Variants in ALG14 observed in about 807,000 individuals in gnomAD.
ALG14 encodes the protein UDP-N-acetylglucosamine transferase subunit ALG14.
Under a neutral mutation model 22.8 loss-of-function variants are expected in ALG14, and 17 were observed. The observed-to-expected ratio is 0.75, with a 90% CI of 0.51 to 1.12. The LOEUF is 1.12. Ranked by LOEUF, ALG14 falls within the 50% of genes most tolerant of loss-of-function variation. ALG14 has a pLI of 0.00. For missense variants in ALG14, 288 were observed against 271.8 expected, an observed-to-expected ratio of 1.06 and a Z score of -0.42; for synonymous variants, 89 against 103.7, an observed-to-expected ratio of 0.86 and a Z score of 0.86.
intron 3 of ALG14, among the ~76,000 whole-genome samples, chr1:95,017,231 A>G (rs758203832): frequency 1.8e-4 from 27 of 152,092 alleles, no homozygotes; most frequent in Non-Finnish European, 3.7e-4. Context: ...ACATCTGAAT[A>G]AAGTCCATCA....
At chr1:95,013,138 A>AG (rs1673413465) in intron 3 of ALG14, among the ~76,000 whole-genome samples, 1 of 150,272 alleles carries the variant, frequency 6.7e-6, no homozygotes, top group Non-Finnish European at 1.5e-5. Context: ...AAGAAACAAT[A>AG]AAAAAAAACC....
At chr1:95,056,582 C>T (rs1002099518) in intron 2 of ALG14, among the ~76,000 whole-genome samples, 5 of 151,990 alleles carry the variant, frequency 3.3e-5, no homozygotes, top group African/African-American at 7.3e-5. Flanking sequence ...AAGATCGAGG[C>T]TGCAGTGAGC....
intron 2 of ALG14, among the ~76,000 whole-genome samples, chr1:95,038,723 T>G (rs1007489277): frequency 6.7e-6 from 1 of 149,192 alleles, no homozygotes; most frequent in Non-Finnish European, 1.5e-5. Context: ...AAGGTTTTTT[T>G]TTTTTTTTTT....
At chr1:94,996,195 A>C (rs1672905974) in intron 3 of ALG14, among the ~76,000 whole-genome samples, 1 of 151,638 alleles carries the variant, frequency 6.6e-6, no homozygotes, top group South Asian at 2.1e-4. Flanking sequence ...ATTCTTTCTA[A>C]ATCAGAATCC....
chr1:94,998,980 T>C (rs1398668211), intron 3 of ALG14, among the ~76,000 whole-genome samples: 2 of 152,176 alleles, frequency 1.3e-5, no homozygotes, highest in South Asian at 2.1e-4. Context: ...AAATTACTCA[T>C]ACATTGTTAG....
At chr1:95,020,185 C>A (rs1350910258) in intron 3 of ALG14, among the ~76,000 whole-genome samples, 1 of 151,864 alleles carries the variant, frequency 6.6e-6, no homozygotes, top group African/African-American at 2.4e-5. Flanking sequence ...TCACTGCACT[C>A]CAGCCTGGGC....
At chr1:95,031,758 T>C (rs1253470409) in intron 2 of ALG14, among the ~76,000 whole-genome samples, 1 of 152,128 alleles carries the variant, frequency 6.6e-6, no homozygotes, top group Non-Finnish European at 1.5e-5. Flanking sequence ...TATATACTTA[T>C]TTATTTATGT....
At chr1:95,066,952 A>G (rs1040205468) in intron 1 of ALG14, 4 of 152,184 alleles carry the variant, frequency 2.6e-5, no homozygotes, top group African/African-American at 9.6e-5. Context: ...TATCCACAAC[A>G]TCTTCCACTA....
intron 2 of ALG14, among the ~76,000 whole-genome samples, chr1:95,045,858 A>G (rs563997273): frequency 1.3e-5 from 2 of 148,798 alleles, no homozygotes; most frequent in Non-Finnish European, 3.0e-5. Context: ...TAATAGAATT[A>G]GTATACTAAT....
At chr1:95,037,894 A>G (rs1674249530) in intron 2 of ALG14, among the ~76,000 whole-genome samples, 1 of 152,212 alleles carries the variant, frequency 6.6e-6, no homozygotes, top group South Asian at 2.1e-4. Context: ...CTGCCAGGTG[A>G]CAGGAACTGG....
intron 2 of ALG14, 112 bp from the exon 3 acceptor site, chr1:95,027,372 A>T: frequency 7.7e-7 from 1 of 1,290,954 alleles, no homozygotes. Flanking sequence ...TTAAATTTTC[A>T]TTCTAACCAC....
At chr1:95,042,951 G>A (rs111405090) in intron 2 of ALG14, among the ~76,000 whole-genome samples, 23 of 151,956 alleles carry the variant, frequency 1.5e-4, no homozygotes, top group African/African-American at 2.4e-4. Context: ...TGTTTTTTAC[G>A]TTTTCCTTAT....
intron 3 of ALG14, among the ~76,000 whole-genome samples, chr1:94,987,385 A>G (rs1170298234): frequency 6.6e-6 from 1 of 152,080 alleles, no homozygotes; most frequent in African/African-American, 2.4e-5. Context: ...ACCAACCAGT[A>G]GGGGTTCAAT....
At chr1:95,053,181 A>G (rs1674810891) in intron 2 of ALG14, among the ~76,000 whole-genome samples, 1 of 152,176 alleles carries the variant, frequency 6.6e-6, no homozygotes, top group Non-Finnish European at 1.5e-5. Flanking sequence ...CACACACAAA[A>G]AAGTGAAAAT....
At chr1:95,036,696 G>T (rs1674207983) in intron 2 of ALG14, among the ~76,000 whole-genome samples, 1 of 151,964 alleles carries the variant, frequency 6.6e-6, no homozygotes, top group African/African-American at 2.4e-5. Flanking sequence ...CAAAGTGCTG[G>T]GATTAAGGGC....
chr1:95,047,989 A>C (rs1345975577), intron 2 of ALG14, among the ~76,000 whole-genome samples: 2 of 152,200 alleles, frequency 1.3e-5, no homozygotes, highest in East Asian at 3.9e-4. Flanking sequence ...AAGAGAAAAC[A>C]TAAACAATAA....
chr1:95,008,111 T>C (rs1673267133), intron 3 of ALG14, among the ~76,000 whole-genome samples: 1 of 152,230 alleles, frequency 6.6e-6, no homozygotes, highest in Non-Finnish European at 1.5e-5. Context: ...TTCCATGTTA[T>C]TCTGGTGGAG....
intron 3 of ALG14, among the ~76,000 whole-genome samples, chr1:95,020,317 G>C (rs893031932): frequency 1.3e-5 from 2 of 152,102 alleles, no homozygotes; most frequent in African/African-American, 4.8e-5. Context: ...TCTACTCAAT[G>C]ACTTCTGGGC....
At chr1:95,006,729 T>C (rs1370976769) in intron 3 of ALG14, among the ~76,000 whole-genome samples, 1 of 152,266 alleles carries the variant, frequency 6.6e-6, no homozygotes, top group African/African-American at 2.4e-5. Context: ...CAAAGGTCTT[T>C]GTTCTGGAAG....
Sources: gnomAD v4.1 joint callset for allele counts (sites outside exome capture counted in the v4.1 genomes callset) on GRCh38, gnomAD v4.1.1 for gene constraint, MANE v1.5 for transcripts, NCBI Gene and HGNC (gene_info 2026-07-23, HGNC 2026-07-21) for gene names.